The following ICA1 variants were observed in gnomAD, a reference collection of about 807,000 sequenced individuals.
ICA1 encodes the protein islet cell autoantigen 1.
Under a neutral mutation model 71.0 loss-of-function variants are expected in ICA1, and 40 were observed. The observed-to-expected ratio is 0.56, with a 90% confidence interval of 0.44 to 0.73. ICA1 has a LOEUF of 0.73. Among genes scored for constraint, ICA1 ranks in the 30% least tolerant of loss-of-function variants. The probability of loss-of-function intolerance (pLI) is 0.00; values close to 1 mark genes in which losing one functional copy is unlikely to be tolerated. For synonymous variants in ICA1, 207 were observed against 209.5 expected (o/e 0.99, Z 0.10); for missense variants, 578 against 576.5 (o/e 1.00, Z -0.03).
intron 1 of ICA1, among the ~76,000 whole-genome samples, chr7:8,259,184 C>G (rs932365616): frequency 6.6e-6 from 1 of 152,210 alleles, no homozygotes; most frequent in African/African-American, 2.4e-5. Flanking sequence ...CAAATGTTAA[C>G]ATACTCATGG....
chr7:8,240,800 A>T (rs1180964005), intron 1 of ICA1, among the ~76,000 whole-genome samples: 2 of 152,238 alleles, frequency 1.3e-5, no homozygotes, highest in Non-Finnish European at 2.9e-5. Flanking sequence ...ATCAAGTGGA[A>T]GAAAGGGTAG....
At position 8,242,519 on chromosome 7, in the gene ICA1, A is replaced by G. The variant is rs780827752; in HGVS notation, c.-79-6514T>C. Among the ~76,000 whole-genome samples, 11 of 152,352 alleles carry G rather than the reference A, an allele frequency of 7.2e-5. No individual in the cohort carries two copies. The South Asian group carries it at 1.5e-3, about 20-fold the overall frequency. ...CAATTAAAAGAACTAGAGAAGCAAG[A>G]GCAAACAAATTCAAATGCTAGCAGA... On this transcript the variant is annotated intron_variant, in intron 1 of 13. Coordinates refer to ENST00000402384, the MANE Select transcript of ICA1 (RefSeq NM_001136020.3).
chr7:8,123,932 T>C lies in ICA1; in HGVS notation c.1330+3941A>G, dbSNP rs948248213. Among the ~76,000 whole-genome samples, 1 of 152,180 alleles carries C rather than the reference T, an allele frequency of 6.6e-6. No individual in the cohort carries two copies. Among genetic ancestry groups the C allele is most frequent in the Non-Finnish European group, 1.5e-5 (1 of 68,030 alleles). On this transcript the variant is annotated intron_variant, in intron 13 of 13. Transcript: ENST00000402384. This position sits in a 1 kb window ranked among gnomAD's most constrained non-coding sequence, Gnocchi z 4.1. ...TCTTGGGCACATCACTTAACCACTG[T>C]TCCTCAGTTTCCCAGGCAATAAAAC...
At chr7:8,215,984 T>C (rs145641096) in intron 6 of ICA1, among the ~76,000 whole-genome samples, 66 of 152,330 alleles carry the variant, frequency 4.3e-4, no homozygotes, top group Middle Eastern at 6.8e-3. Flanking sequence ...CAAAGTTAAA[T>C]GTCATGTTGT....
At chr7:8,164,800 G>T (rs1011171121) in intron 6 of ICA1, among the ~76,000 whole-genome samples, 4 of 152,166 alleles carry the variant, frequency 2.6e-5, no homozygotes. Flanking sequence ...AGGTCAGGCT[G>T]GGTACAGTGC....
At chr7:8,230,509 T>C (rs1398858803) in intron 3 of ICA1, among the ~76,000 whole-genome samples, 3 of 152,234 alleles carry the variant, frequency 2.0e-5, no homozygotes, top group Non-Finnish European at 4.4e-5. Context: ...TATCATGTGC[T>C]AAATTATTTG....
At chr7:8,212,313 C>A (rs1794053111) in intron 6 of ICA1, among the ~76,000 whole-genome samples, 1 of 152,192 alleles carries the variant, frequency 6.6e-6, no homozygotes, top group East Asian at 1.9e-4. Context: ...ACCTGTACTC[C>A]CAGCACTTTG....
At chr7:8,177,363 C>CTT in intron 6 of ICA1, among the ~76,000 whole-genome samples, 2 of 151,972 alleles carry the variant, frequency 1.3e-5, no homozygotes. Context: ...CTTAAGGAAG[C>CTT]AATTCTGTCA....
In ICA1 at chr7:8,226,283, T is replaced by C. The variant is rs1039895962; in HGVS notation, c.256+2318A>G. Among the ~76,000 whole-genome samples the C allele has an allele frequency of 1.3e-5, 2 of 152,156 alleles. No individual in the cohort carries two copies. The highest frequency in any genetic ancestry group is 4.8e-5 in the African/African-American group (2 of 41,442). ...TCATCCACCACTGGTATCCAGTCTC[T>C]TTCGTTTCTGGTTTATCCTTCCTAA... On this transcript the variant is annotated intron_variant, in intron 4 of 13. Coordinates refer to ENST00000402384, the MANE Select transcript of ICA1 (RefSeq NM_001136020.3). The surrounding 1 kb of genome is among the most constrained non-coding windows in gnomAD (Gnocchi z 4.4).
At position 8,126,066 on chromosome 7, in the gene ICA1, G is replaced by A. The variant is rs186895838; in HGVS notation, c.1330+1807C>T. Among the ~76,000 whole-genome samples the A allele has an allele frequency of 9.1e-4, 139 of 152,348 alleles. 1 individual carries two copies. The highest frequency in any genetic ancestry group is 3.1e-3 in the African/African-American group (127 of 41,584). On this transcript the variant is annotated intron_variant, in intron 13 of 13. Transcript: ENST00000402384. ...CACTTTGCCTGCTCAGGAAGTGGGC[G>A]AGGAGCTCTGACTTCTTGGCTGTCT...
intron 1 of ICA1, among the ~76,000 whole-genome samples, chr7:8,238,130 A>G (rs900973931): frequency 6.6e-6 from 1 of 152,192 alleles, no homozygotes; most frequent in Non-Finnish European, 1.5e-5. Flanking sequence ...TATCTCTCTG[A>G]GATCCTGTAT....
chr7:8,143,821 C>T (rs968027672), intron 9 of ICA1, 54 bp downstream of exon 9: 2 of 1,179,192 alleles, frequency 1.7e-6, no homozygotes, highest in East Asian at 2.3e-5. Context: ...GCGAGAACCA[C>T]ATAACTCTCA....
At chr7:8,120,582 C>T (rs189349182) in intron 13 of ICA1, among the ~76,000 whole-genome samples, 133 of 152,266 alleles carry the variant, frequency 8.7e-4, no homozygotes, top group African/African-American at 3.1e-3. Context: ...AGAAAGATGT[C>T]GGCCCATCTC....
At position 8,115,377 on chromosome 7, in the gene ICA1, AAAG is replaced by A. The variant is rs569659688; in HGVS notation, c.1331-1336_1331-1334del. Among the ~76,000 whole-genome samples the A allele has an allele frequency of 1.1e-3, 173 of 152,344 alleles. 3 individuals carry two copies. Among genetic ancestry groups the A allele is most frequent in the Non-Finnish European group, 1.2e-3 (85 of 68,038 alleles). On this transcript the variant is annotated intron_variant, in intron 13 of 13. Transcript: ENST00000402384. ...GGAGTGGGCAGGGTATTGCCTAAAA[AAAG>A]GCAATACTGATTTCGCTGGATTAGC...
At chr7:8,246,812 T>G (rs544637180) in intron 1 of ICA1, among the ~76,000 whole-genome samples, 4 of 152,350 alleles carry the variant, frequency 2.6e-5, no homozygotes, top group South Asian at 4.1e-4. Context: ...AGTGGTGCGA[T>G]CTCGGCTCAC....
rs571773304 is a variant in ICA1 at position 8,215,755 on chromosome 7, A to G, written c.579+2550T>C. Among the ~76,000 whole-genome samples the G allele has an allele frequency of 9.8e-5, 15 of 152,354 alleles. No homozygotes were observed. In the South Asian group the frequency reaches 3.1e-3, roughly 32 times the overall value. ...CAAAAAAGAGAATTTATAGCAAAAT[A>G]CTACTTTAGCTCAGGATTCATCCTT... is the stretch of plus-strand genomic sequence containing the variant. On this transcript the variant is annotated intron_variant, in intron 6 of 13. Transcript: ENST00000402384.
intron 1 of ICA1, among the ~76,000 whole-genome samples, chr7:8,252,468 C>G (rs1376944997): frequency 6.6e-6 from 1 of 152,134 alleles, no homozygotes; most frequent in East Asian, 1.9e-4. Flanking sequence ...AGAATAACCT[C>G]AGATAAATTG....
intron 8 of ICA1, among the ~76,000 whole-genome samples, chr7:8,153,529 C>T (rs1354356892): frequency 6.6e-6 from 1 of 152,060 alleles, no homozygotes; most frequent in East Asian, 1.9e-4. Flanking sequence ...GTCTGCTCGG[C>T]ATCTGTGGAG....
chr7:8,221,349 A>G lies in ICA1; in HGVS notation c.306T>C (p.Gly102=), dbSNP rs778165313. ...TTCCTGCTCTGGTTTTATCTTGGAA[A>G]CCTTGGGATCGAAGAAATTTTCCCA... is the stretch of plus-strand genomic sequence containing the variant. The part of the protein sequence containing the change: ...NELGKFLRSQ[G]FQDKTRAGKM... Residue 102 remains glycine, a synonymous_variant, in exon 5 of 14, where the codon GGT becomes GGC. Transcript: ENST00000402384. 1.2e-6 allele frequency: 2 copies of G among 1,613,656 alleles called. No homozygotes were observed. The highest frequency in any genetic ancestry group is 3.3e-5 in the Admixed American group (2 of 59,984).
Sources: allele counts gnomAD v4.1 joint callset (sites outside exome capture counted in the v4.1 genomes callset), GRCh38; gene constraint gnomAD v4.1.1; non-coding constraint Gnocchi (gnomAD v3.1); transcripts MANE v1.5; gene names NCBI Gene and HGNC (gene_info 2026-07-23, HGNC 2026-07-21).